DIAPH2: variants seen among roughly 807,000 people sequenced by gnomAD.
DIAPH2 encodes the protein protein diaphanous homolog 2.
In DIAPH2, 35 loss-of-function variants were observed where a neutral mutation model predicts 92.7. The observed-to-expected ratio is 0.38, with a 90% CI of 0.29 to 0.50. DIAPH2 has a LOEUF of 0.50. DIAPH2 is among the 20% of genes least tolerant of loss of function. The pLI, the probability that DIAPH2 is intolerant of heterozygous loss-of-function variation, is 0.94. For missense variants in DIAPH2, 701 were observed against 819.5 expected (o/e 0.86, Z 1.77); for synonymous variants, 301 against 280.4 (o/e 1.07, Z -0.73).
intron 26 of DIAPH2, among the ~76,000 whole-genome samples, chrX:97,565,483 A>C (rs948222771): frequency 8.9e-6 from 1 of 112,123 alleles, no homozygotes; most frequent in African/African-American, 3.2e-5. Flanking sequence ...TTTCCTAATA[A>C]AACTTTAAAA....
At chrX:96,910,235 G>C (rs916682843) in intron 5 of DIAPH2, among the ~76,000 whole-genome samples, 2 of 110,892 alleles carry the variant, frequency 1.8e-5, no homozygotes, top group Non-Finnish European at 3.8e-5. Flanking sequence ...AGGCTTTAGA[G>C]AAAATAGCTG....
intron 17 of DIAPH2, among the ~76,000 whole-genome samples, chrX:97,016,185 G>A (rs888436256): frequency 2.7e-5 from 3 of 111,947 alleles, no homozygotes; most frequent in Admixed American, 9.5e-5. Flanking sequence ...GTGTGAGATC[G>A]ACATTTAATG....
intron 22 of DIAPH2, among the ~76,000 whole-genome samples, chrX:97,155,523 G>T (rs1430009508): frequency 1.8e-5 from 2 of 108,712 alleles, no homozygotes; most frequent in Non-Finnish European, 3.8e-5. Context: ...AAAAAAAAAT[G>T]TGGAATATTA....
intron 26 of DIAPH2, among the ~76,000 whole-genome samples, chrX:97,499,204 C>T (rs776531166): frequency 3.6e-5 from 4 of 112,211 alleles, no homozygotes; most frequent in Non-Finnish European, 7.5e-5. Context: ...AGTTGTGTCT[C>T]TTATCTTCTA....
At chrX:97,210,027 A>G (rs1341373645) in intron 22 of DIAPH2, among the ~76,000 whole-genome samples, 4 of 111,500 alleles carry the variant, frequency 3.6e-5, no homozygotes, top group African/African-American at 9.7e-5. Context: ...GGGCTTGACA[A>G]TCCAAATTTG....
chrX:97,529,378 C>T (rs1365162226), intron 26 of DIAPH2, among the ~76,000 whole-genome samples: 1 of 111,924 alleles, frequency 8.9e-6, no homozygotes, highest in Non-Finnish European at 1.9e-5. Flanking sequence ...TATAGAGCCA[C>T]ATAGTTAATT....
At chrX:97,257,821 C>A (rs953932816) in intron 23 of DIAPH2, among the ~76,000 whole-genome samples, 3 of 110,953 alleles carry the variant, frequency 2.7e-5, no homozygotes, top group African/African-American at 9.9e-5. Flanking sequence ...AATAGAGTGA[C>A]TTTTAACATG....
intron 4 of DIAPH2, among the ~76,000 whole-genome samples, chrX:96,813,345 CCT>C (rs2064702183): frequency 9.1e-6 from 1 of 109,825 alleles, no homozygotes; most frequent in Non-Finnish European, 1.9e-5. Context: ...GATTGCAACT[CCT>C]CTTTTTTTTT....
chrX:97,398,557 G>A (rs999116751), intron 25 of DIAPH2, among the ~76,000 whole-genome samples: 14 of 110,474 alleles, frequency 1.3e-4, no homozygotes, highest in African/African-American at 4.6e-4. Context: ...ATGGTTGGCA[G>A]TGCAGTTTTC....
chrX:97,517,860 A>G (rs1034584409), intron 26 of DIAPH2, among the ~76,000 whole-genome samples: 11 of 112,594 alleles, frequency 9.8e-5, no homozygotes, highest in Admixed American at 9.4e-4. Flanking sequence ...AAATCATGTT[A>G]TACAAAGCCA....
chrX:96,884,662 C>A, intron 5 of DIAPH2: 1 of 1,210,437 alleles, frequency 8.3e-7, no homozygotes, highest in Non-Finnish European at 1.1e-6. Flanking sequence ...GCAGGTGACT[C>A]CATTGTCAGT....
chrX:97,042,768 A>G (rs1008341372), intron 17 of DIAPH2, among the ~76,000 whole-genome samples: 2 of 112,009 alleles, frequency 1.8e-5, no homozygotes, highest in Non-Finnish European at 3.8e-5. Flanking sequence ...ATTGAGGCAA[A>G]TTTTAAGTGA....
Position 97,325,785 on chromosome X carries a change from G to T in DIAPH2, c.2845-22331G>T, listed in dbSNP as rs868502014. On this transcript the variant is annotated intron_variant, in intron 23 of 26. Coordinates refer to ENST00000324765, the MANE Select transcript of DIAPH2 (RefSeq NM_006729.5). ...GTAGAGACGGGGTTTCACTGTGTTC[G>T]CCAGGATGGTCTCGATCTCCTGACC... 5.4e-5 allele frequency among the ~76,000 whole-genome samples: 6 copies of T among 110,983 alleles called. No homozygotes were observed. The East Asian group carries it at 1.7e-3, about 31-fold the overall frequency.
At chrX:97,364,234 C>G (rs1479980229) in intron 24 of DIAPH2, among the ~76,000 whole-genome samples, 4 of 111,611 alleles carry the variant, frequency 3.6e-5, no homozygotes, top group Non-Finnish European at 7.5e-5. Context: ...CACAATTTAA[C>G]CTGTCTGTTC....
chrX:97,325,868 C>T (rs150856860), intron 23 of DIAPH2, among the ~76,000 whole-genome samples: 1,294 of 112,332 alleles, frequency 0.012, 20 homozygotes, highest in African/African-American at 0.04. Context: ...TGAGCCACCA[C>T]GCCCGGCCTA....
intron 23 of DIAPH2, among the ~76,000 whole-genome samples, chrX:97,330,516 CT>C (rs750951678): frequency 0.011 from 1,141 of 100,826 alleles, 1 homozygote; most frequent in Non-Finnish European, 0.017. Flanking sequence ...TTCTTTCTTT[CT>C]TTTTTTTTTT....
chrX:96,905,859 G>A (rs759948538), intron 5 of DIAPH2, among the ~76,000 whole-genome samples: 3 of 112,416 alleles, frequency 2.7e-5, no homozygotes, highest in Admixed American at 9.4e-5. Flanking sequence ...GCTGGGCGCG[G>A]TGGCTCACGC....
chrX:97,480,378 T>C (rs1302903614), intron 26 of DIAPH2, among the ~76,000 whole-genome samples: 1 of 111,810 alleles, frequency 8.9e-6, no homozygotes, highest in Admixed American at 9.5e-5. Flanking sequence ...GCCCTGTACC[T>C]TAACTTCAGA....
intron 17 of DIAPH2, among the ~76,000 whole-genome samples, chrX:97,034,383 A>T (rs2066395861): frequency 9.0e-6 from 1 of 110,645 alleles, no homozygotes; most frequent in Non-Finnish European, 1.9e-5. Context: ...TACATGGTAT[A>T]TACAGAACAG....
Sources: allele counts gnomAD v4.1 joint callset (sites outside exome capture counted in the v4.1 genomes callset), GRCh38; gene constraint gnomAD v4.1.1; transcripts MANE v1.5; gene names NCBI Gene and HGNC (gene_info 2026-07-23, HGNC 2026-07-21).